The following NRXN1 variants were observed in gnomAD, a reference collection of about 807,000 sequenced individuals.
The protein encoded by NRXN1 is neurexin 1.
NRXN1 carries 39 observed loss-of-function variants against 150.9 expected under a neutral mutation model. The ratio of observed to expected loss-of-function variants is 0.26; its 90% CI spans 0.20 to 0.34. NRXN1 has a LOEUF of 0.34. Ranked by LOEUF, NRXN1 falls within the 10% of genes least tolerant of loss-of-function variation. The pLI is 1.00. For missense variants in NRXN1, 1,815 were observed against 1,949.9 expected (o/e 0.93, Z 1.30); for synonymous variants, 924 against 757.0 (o/e 1.22, Z -3.62).
At chr2:50,629,106 C>A (rs1274408121) in intron 5 of NRXN1, among the ~76,000 whole-genome samples, 2 of 151,580 alleles carry the variant, frequency 1.3e-5, no homozygotes, top group Admixed American at 6.6e-5. Context: ...TATGATCCAC[C>A]AATTCCACTC....
chr2:50,367,870 C>T (rs761899390), intron 17 of NRXN1, among the ~76,000 whole-genome samples: 12 of 151,946 alleles, frequency 7.9e-5, no homozygotes, highest in African/African-American at 2.4e-4. Flanking sequence ...ATTTCCCTTG[C>T]GTTTAATATT....
chr2:50,838,822 A>G (rs545335306), intron 5 of NRXN1, among the ~76,000 whole-genome samples: 2 of 152,260 alleles, frequency 1.3e-5, no homozygotes, highest in Admixed American at 6.5e-5. Context: ...TCAGACGTCT[A>G]TCCTCCAGAA....
chr2:50,836,745 T>G (rs35737570), intron 5 of NRXN1, among the ~76,000 whole-genome samples: 7,483 of 151,918 alleles, frequency 0.049, 295 homozygotes, highest in Non-Finnish European at 0.083. Flanking sequence ...GTTGCTTCCA[T>G]GTAATCTTGA....
chr2:50,727,426 C>A (rs1697519509), intron 5 of NRXN1, among the ~76,000 whole-genome samples: 1 of 131,750 alleles, frequency 7.6e-6, no homozygotes, highest in African/African-American at 3.0e-5. Context: ...AGTCTATCAA[C>A]AGTTATAAAA....
At chr2:50,588,189 A>G (rs541207491) in intron 8 of NRXN1, among the ~76,000 whole-genome samples, 1 of 152,314 alleles carries the variant, frequency 6.6e-6, no homozygotes, top group East Asian at 1.9e-4. Context: ...AGAATTCAAT[A>G]AATATATGTT....
rs143556856 is a variant in NRXN1, at chr2:50,845,766, C to G, written c.832+76103G>C. Among the ~76,000 whole-genome samples, 277 of 152,284 alleles carry G rather than the reference C, an allele frequency of 1.8e-3. 2 individuals carry two copies. Among genetic ancestry groups the G allele is most frequent in the Admixed American group, 0.015 (232 of 15,292 alleles). ...TCCCCACATAATTCTGATATGCTTA[C>G]CTCCCTCCCCACCACAGATATGTCT... On this transcript the variant is annotated intron_variant, in intron 5 of 22. Transcript: ENST00000401669.
rs181368218 is a variant in NRXN1, at chr2:50,533,422, C to T, written c.2144-1992G>A. ...AACATGCTCCTTCTTCAGTCTTCTC[C>T]ATCTCAGTAAACATGATAATCTCAT... On this transcript the variant is annotated intron_variant, in intron 10 of 22. Coordinates refer to ENST00000401669, the MANE Select transcript of NRXN1 (RefSeq NM_001330078.2). 2.6e-4 allele frequency among the ~76,000 whole-genome samples: 39 copies of T among 152,314 alleles called. 1 individual carries two copies. Among genetic ancestry groups the T allele is most frequent in the East Asian group, 2.3e-3 (12 of 5,186 alleles).
intron 21 of NRXN1, among the ~76,000 whole-genome samples, chr2:50,021,323 C>G (rs1363036): frequency 0.87 from 133,037 of 152,214 alleles, 58,360 homozygotes; most frequent in African/African-American, 0.94. Context: ...ACTTTACTAT[C>G]TGAATGTGTA....
chr2:50,800,652 C>T (rs1248789281), intron 5 of NRXN1, among the ~76,000 whole-genome samples: 1 of 152,170 alleles, frequency 6.6e-6, no homozygotes, highest in Admixed American at 6.6e-5. Context: ...CGGGTTCAGG[C>T]AATTCTCCTG....
intron 18 of NRXN1, among the ~76,000 whole-genome samples, chr2:50,203,132 C>T (rs1384581436): frequency 1.3e-5 from 2 of 152,044 alleles, no homozygotes; most frequent in East Asian, 1.9e-4. Flanking sequence ...AAACCTATTG[C>T]CAGGTCTTCT....
intron 18 of NRXN1, among the ~76,000 whole-genome samples, chr2:50,208,014 TC>T (rs1278308633): frequency 2.0e-5 from 3 of 152,072 alleles, no homozygotes; most frequent in African/African-American, 7.2e-5. Flanking sequence ...AGGCAAACCT[TC>T]CCTTCCTGGA....
intron 21 of NRXN1, among the ~76,000 whole-genome samples, chr2:50,049,536 T>C (rs1303679770): frequency 1.3e-5 from 2 of 152,158 alleles, no homozygotes; most frequent in Admixed American, 6.6e-5. Context: ...CTCTACAGTA[T>C]GTATGTATTC....
intron 8 of NRXN1, among the ~76,000 whole-genome samples, chr2:50,566,249 A>AT (rs1049802328): frequency 1.8e-4 from 27 of 150,734 alleles, no homozygotes; most frequent in African/African-American, 6.1e-4. Flanking sequence ...TGGTATAATT[A>AT]TTTTTTTTTA....
chr2:50,062,947 C>T (rs76031793), intron 19 of NRXN1, among the ~76,000 whole-genome samples: 345 of 152,252 alleles, frequency 2.3e-3, no homozygotes, highest in African/African-American at 7.9e-3. Context: ...CTTTGGAAGG[C>T]TTCTTATTTC....
intron 22 of NRXN1, among the ~76,000 whole-genome samples, chr2:49,933,640 G>A (rs539834287): frequency 8.5e-6 from 1 of 117,224 alleles, no homozygotes; most frequent in African/African-American, 3.3e-5. Context: ...CCATGATAAT[G>A]ACACATAAAT....
rs1209797479 is a variant in NRXN1, at chr2:50,945,889, TATATATATATAC to T, written c.773-19946_773-19935del. Among the ~76,000 whole-genome samples the T allele has an allele frequency of 6.5e-4, 93 of 143,636 alleles. 1 individual carries two copies. Among genetic ancestry groups the T allele is most frequent in the African/African-American group, 2.3e-3 (88 of 38,498 alleles). 94.2% of individuals were successfully genotyped at this position (143,636 alleles called of 152,430 possible). A position where few individuals can be genotyped will look rare whatever the true frequency, so the allele number is the denominator to read the frequency against. On this transcript the variant is annotated intron_variant, in intron 2 of 22. Coordinates refer to ENST00000401669, the MANE Select transcript of NRXN1 (RefSeq NM_001330078.2). ...CTTCAGAAAAACAGATATATATATA[TATATATATATAC>T]ACACACACACACACACACACATCTT...
intron 12 of NRXN1, among the ~76,000 whole-genome samples, chr2:50,510,373 C>T (rs2092403839): frequency 6.7e-6 from 1 of 150,288 alleles, no homozygotes; most frequent in African/African-American, 2.4e-5. Flanking sequence ...GTAATCCCAG[C>T]TACTCAGGAG....
At chr2:50,277,407 C>CCCTTCCTTCCTCCCTT in intron 17 of NRXN1, among the ~76,000 whole-genome samples, 2 of 34,878 alleles carry the variant, frequency 5.7e-5, no homozygotes, top group Non-Finnish European at 1.5e-4. Flanking sequence ...CTTCCTCCCT[C>CCCTTCCTTCCTCCCTT]CTTCCCTTCC....
intron 17 of NRXN1, among the ~76,000 whole-genome samples, chr2:50,435,488 G>T (rs2085344487): frequency 6.6e-6 from 1 of 152,106 alleles, no homozygotes; most frequent in Non-Finnish European, 1.5e-5. Flanking sequence ...ACATTATGTA[G>T]TCTGCATAGT....
Sources: allele counts gnomAD v4.1 joint callset (sites outside exome capture counted in the v4.1 genomes callset), GRCh38; gene constraint gnomAD v4.1.1; transcripts MANE v1.5; gene names NCBI Gene and HGNC (gene_info 2026-07-23, HGNC 2026-07-21).